Variants in OR1J2 observed in about 807,000 individuals in gnomAD.
OR1J2 encodes olfactory receptor family 1 subfamily J member 2, also known as olfactory receptor 1J2.
For synonymous variants in OR1J2, 142 were observed against 99.7 expected (o/e 1.42, Z -2.52); for missense variants, 304 against 246.1 (o/e 1.24, Z -1.57).
the OR1J2 span, among the ~76,000 whole-genome samples, chr9:122,463,608 C>T: frequency 1.3e-5 from 2 of 152,144 alleles, no homozygotes; most frequent in Non-Finnish European, 2.9e-5. Flanking sequence ...TCCTTTGTCC[C>T]ACAGGGTTGC....
the OR1J2 span, among the ~76,000 whole-genome samples, chr9:122,536,087 T>G: frequency 6.6e-6 from 1 of 152,210 alleles, no homozygotes; most frequent in Non-Finnish European, 1.5e-5. Flanking sequence ...ACCAGCCATC[T>G]GGATGTGTAC....
downstream of OR1J2, among the ~76,000 whole-genome samples, chr9:122,515,926 G>A (rs149203349): frequency 1.8e-4 from 27 of 152,236 alleles, no homozygotes; most frequent in African/African-American, 5.5e-4. Flanking sequence ...GGTTTGCACT[G>A]AATATAAGAC....
the OR1J2 span, among the ~76,000 whole-genome samples, chr9:122,541,419 G>T: frequency 6.6e-6 from 1 of 152,154 alleles, no homozygotes; most frequent in Non-Finnish European, 1.5e-5. Context: ...GAAGAATTTG[G>T]ATCCCTAATT....
the OR1J2 span, chr9:122,527,130 G>T: frequency 2.5e-6 from 4 of 1,614,240 alleles, no homozygotes; most frequent in African/African-American, 1.3e-5. Flanking sequence ...GTACATGGGG[G>T]TGTGGAGGTG....
chr9:122,564,778 C>A, the OR1J2 span, among the ~76,000 whole-genome samples: 2 of 152,282 alleles, frequency 1.3e-5, no homozygotes, highest in African/African-American at 4.8e-5. Context: ...TCTGTAATGC[C>A]CACCAGAAGC....
the OR1J2 span, among the ~76,000 whole-genome samples, chr9:122,565,890 C>G: frequency 6.6e-6 from 1 of 152,276 alleles, no homozygotes; most frequent in African/African-American, 2.4e-5. Context: ...CAGTCAAGAA[C>G]AATGACTGGA....
At chr9:122,520,396 T>C in the OR1J2 span, among the ~76,000 whole-genome samples, 1 of 152,232 alleles carries the variant, frequency 6.6e-6, no homozygotes, top group Non-Finnish European at 1.5e-5. Flanking sequence ...TCCCTTGCCA[T>C]AGAAAAGTTG....
chr9:122,496,736 A>C, the OR1J2 span, among the ~76,000 whole-genome samples: 2 of 152,176 alleles, frequency 1.3e-5, no homozygotes, highest in Non-Finnish European at 2.9e-5. Context: ...TCCAGGTCAT[A>C]GTAGATAAGA....
At chr9:122,565,822 T>C in the OR1J2 span, among the ~76,000 whole-genome samples, 2 of 152,228 alleles carry the variant, frequency 1.3e-5, no homozygotes, top group Non-Finnish European at 2.9e-5. Context: ...AAGAACTGTT[T>C]GCCTAGTATT....
the OR1J2 span, among the ~76,000 whole-genome samples, chr9:122,452,896 C>T: frequency 7.4e-3 from 1,130 of 151,994 alleles, 9 homozygotes; most frequent in African/African-American, 0.026. Flanking sequence ...GGTGTGGTGG[C>T]GCATGCCTGT....
At chr9:122,567,974 G>C in the OR1J2 span, 4 of 1,614,054 alleles carry the variant, frequency 2.5e-6, no homozygotes, top group Admixed American at 3.3e-5. Context: ...AGTCACAGAA[G>C]GTGAGACGAT....
chr9:122,561,684 G>C, the OR1J2 span, among the ~76,000 whole-genome samples: 1 of 152,154 alleles, frequency 6.6e-6, no homozygotes, highest in African/African-American at 2.4e-5. Flanking sequence ...GGGGAAGCTG[G>C]AGAACAGTAA....
At chr9:122,561,932 C>T in the OR1J2 span, among the ~76,000 whole-genome samples, 1 of 152,116 alleles carries the variant, frequency 6.6e-6, no homozygotes, top group Non-Finnish European at 1.5e-5. Context: ...TCAGAACTAG[C>T]AGTAGGAAAA....
At chr9:122,492,957 T>C in the OR1J2 span, among the ~76,000 whole-genome samples, 3 of 152,188 alleles carry the variant, frequency 2.0e-5, no homozygotes, top group African/African-American at 4.8e-5. Flanking sequence ...CCTGTGTCTA[T>C]TGAGATCATC....
At chr9:122,575,048 AAACTT>A in the OR1J2 span, among the ~76,000 whole-genome samples, 1 of 152,110 alleles carries the variant, frequency 6.6e-6, no homozygotes, top group South Asian at 2.1e-4. Flanking sequence ...AGGATAAATT[AAACTT>A]GGTTGTGATG....
the OR1J2 span, among the ~76,000 whole-genome samples, chr9:122,530,467 A>G: frequency 2.0e-5 from 3 of 152,206 alleles, no homozygotes; most frequent in African/African-American, 7.2e-5. Context: ...GTGCCCTGTT[A>G]GTGTTAACTC....
At chr9:122,575,139 G>C in the OR1J2 span, among the ~76,000 whole-genome samples, 1 of 151,996 alleles carries the variant, frequency 6.6e-6, no homozygotes, top group Non-Finnish European at 1.5e-5. Flanking sequence ...GTTTATGAGA[G>C]ATACAGGTTT....
the OR1J2 span, among the ~76,000 whole-genome samples, chr9:122,456,011 G>T: frequency 7.9e-5 from 12 of 152,142 alleles, no homozygotes; most frequent in African/African-American, 2.9e-4. Context: ...ATACATATAT[G>T]AGTTTATTTC....
the OR1J2 span, among the ~76,000 whole-genome samples, chr9:122,500,769 A>G: frequency 1.3e-5 from 2 of 152,200 alleles, no homozygotes; most frequent in Non-Finnish European, 2.9e-5. Flanking sequence ...AATAGGAGTC[A>G]CTGAAGTTTG....
Sources: allele counts gnomAD v4.1 joint callset (sites outside exome capture counted in the v4.1 genomes callset), GRCh38; gene constraint gnomAD v4.1.1; transcripts MANE v1.5; gene names NCBI Gene and HGNC (gene_info 2026-07-23, HGNC 2026-07-21).